The following BABAM2 variants were observed in gnomAD, a reference collection of about 807,000 sequenced individuals.
BABAM2 encodes BRISC and BRCA1 A complex member 2.
BABAM2 carries 31 observed loss-of-function variants against 54.7 expected under a neutral mutation model. The observed-to-expected ratio is 0.57, with a 90% CI of 0.43 to 0.77. BABAM2 has a LOEUF of 0.77. Ranked by LOEUF, BABAM2 falls within the 30% of genes least tolerant of loss-of-function variation. The probability of loss-of-function intolerance (pLI) is 0.00; values close to 1 mark genes in which losing one functional copy is unlikely to be tolerated. For synonymous variants in BABAM2, 167 were observed against 162.9 expected (o/e 1.03, Z -0.19); for missense variants, 364 against 455.8 (o/e 0.80, Z 1.83).
At chr2:27,957,404 A>G (rs1670164610) in intron 3 of BABAM2, among the ~76,000 whole-genome samples, 1 of 152,100 alleles carries the variant, frequency 6.6e-6, no homozygotes, top group African/African-American at 2.4e-5. Flanking sequence ...ATTTTCTACT[A>G]AACCAGATTG....
At chr2:28,007,036 T>C (rs974955414) in intron 4 of BABAM2, among the ~76,000 whole-genome samples, 2 of 151,012 alleles carry the variant, frequency 1.3e-5, no homozygotes, top group African/African-American at 4.9e-5. Flanking sequence ...TAATTTGATC[T>C]TTTTTTTTGA....
chr2:28,092,924 G>A (rs965168408), intron 6 of BABAM2, among the ~76,000 whole-genome samples: 1 of 152,128 alleles, frequency 6.6e-6, no homozygotes, highest in Non-Finnish European at 1.5e-5. Flanking sequence ...ATAGCACTGA[G>A]TGTGCTGTCT....
intron 2 of BABAM2, among the ~76,000 whole-genome samples, chr2:27,912,854 G>A (rs190279848): frequency 6.6e-6 from 1 of 152,292 alleles, no homozygotes. Context: ...CAGATAACCT[G>A]ATGATAAATT....
At chr2:27,941,982 T>G (rs760743703) in intron 3 of BABAM2, among the ~76,000 whole-genome samples, 40 of 152,188 alleles carry the variant, frequency 2.6e-4, no homozygotes, top group Non-Finnish European at 4.1e-4. Context: ...CTACCTGAAA[T>G]TCAACTTCAT....
intron 7 of BABAM2, among the ~76,000 whole-genome samples, chr2:28,158,684 G>T (rs1672778945): frequency 6.6e-6 from 1 of 152,134 alleles, no homozygotes; most frequent in Non-Finnish European, 1.5e-5. Context: ...TTATAATAAG[G>T]CTATGTAATA....
At chr2:28,283,886 A>G (rs1044762310) in intron 10 of BABAM2, among the ~76,000 whole-genome samples, 3 of 152,256 alleles carry the variant, frequency 2.0e-5, no homozygotes, top group Non-Finnish European at 4.4e-5. Context: ...ATGAAAAATA[A>G]AAGTTTTAGA....
chr2:28,107,523 T>G (rs1022824936), intron 6 of BABAM2, among the ~76,000 whole-genome samples: 5 of 152,146 alleles, frequency 3.3e-5, no homozygotes, highest in Non-Finnish European at 5.9e-5. Context: ...CCCTTCTACT[T>G]CAGTGACTTT....
intron 6 of BABAM2, among the ~76,000 whole-genome samples, chr2:28,051,516 A>G (rs916912538): frequency 1.3e-5 from 2 of 152,238 alleles, no homozygotes; most frequent in African/African-American, 2.4e-5. Context: ...CAGGATAATG[A>G]AACCAAAGTG....
At chr2:28,060,952 G>A (rs1678811030) in intron 6 of BABAM2, among the ~76,000 whole-genome samples, 1 of 152,118 alleles carries the variant, frequency 6.6e-6, no homozygotes, top group Admixed American at 6.5e-5. Context: ...AATCTCAGCA[G>A]AAATTGTAAA....
At chr2:28,026,877 T>A (rs1408685391) in intron 5 of BABAM2, among the ~76,000 whole-genome samples, 1 of 50,844 alleles carries the variant, frequency 2.0e-5, no homozygotes, top group African/African-American at 8.8e-5. Flanking sequence ...TATATATTTA[T>A]ATATATATAG....
chr2:28,200,990 C>T (rs1678206271), intron 7 of BABAM2, among the ~76,000 whole-genome samples: 1 of 152,104 alleles, frequency 6.6e-6, no homozygotes, highest in Admixed American at 6.6e-5. Flanking sequence ...AGGCTGGTCT[C>T]AAACTCCTGA....
At chr2:28,244,174 G>A (rs1324410512) in intron 9 of BABAM2, among the ~76,000 whole-genome samples, 1 of 152,110 alleles carries the variant, frequency 6.6e-6, no homozygotes, top group Non-Finnish European at 1.5e-5. Flanking sequence ...TTTGCCTTAA[G>A]CCCAGTGGGA....
At chr2:28,216,814 C>G (rs1679959878) in intron 7 of BABAM2, among the ~76,000 whole-genome samples, 1 of 152,156 alleles carries the variant, frequency 6.6e-6, no homozygotes, top group African/African-American at 2.4e-5. Flanking sequence ...ATAATCTGGC[C>G]TTTTCCTGGA....
At chr2:28,152,776 G>A (rs1157406349) in intron 7 of BABAM2, among the ~76,000 whole-genome samples, 1 of 152,238 alleles carries the variant, frequency 6.6e-6, no homozygotes, top group East Asian at 1.9e-4. Context: ...CAGAAGAGGT[G>A]TGATTTGAGC....
chr2:28,281,962 T>C lies in BABAM2; in HGVS notation c.935-16376T>C, dbSNP rs75693649. Among the ~76,000 whole-genome samples, 1,092 of 152,330 alleles carry C rather than the reference T, an allele frequency of 7.2e-3. 9 individuals carry two copies. Among genetic ancestry groups the C allele is most frequent in the African/African-American group, 0.025 (1,035 of 41,578 alleles). On this transcript the variant is annotated intron_variant, in intron 10 of 11. Coordinates refer to ENST00000379624, the MANE Select transcript of BABAM2 (RefSeq NM_199191.3). ...AGATTTTGAAGGCTTCAAAGGTTAC[T>C]GACAGATGAGACTTTCTGAAAAGGA... is the stretch of plus-strand genomic sequence containing the variant.
At chr2:28,285,737 CTT>C (rs931182085) in intron 10 of BABAM2, among the ~76,000 whole-genome samples, 1 of 144,526 alleles carries the variant, frequency 6.9e-6, no homozygotes, top group Non-Finnish European at 1.5e-5. Flanking sequence ...GCAAATAAGT[CTT>C]TTTTTTTTTT....
intron 7 of BABAM2, among the ~76,000 whole-genome samples, chr2:28,168,210 T>A (rs1371580323): frequency 1.3e-5 from 2 of 152,190 alleles, no homozygotes; most frequent in Non-Finnish European, 2.9e-5. Flanking sequence ...GAACCATTTT[T>A]ATTATAAAGG....
intron 7 of BABAM2, among the ~76,000 whole-genome samples, chr2:28,165,261 A>G (rs1176813912): frequency 6.6e-6 from 1 of 152,228 alleles, no homozygotes; most frequent in African/African-American, 2.4e-5. Context: ...CTCAGGCATC[A>G]AAAATAACTT....
chr2:28,124,227 C>A (rs981298764), intron 6 of BABAM2, among the ~76,000 whole-genome samples: 2 of 152,186 alleles, frequency 1.3e-5, no homozygotes, highest in East Asian at 3.8e-4. Flanking sequence ...ACACTTAGAT[C>A]ATAAAATGAA....
Sources: allele counts gnomAD v4.1 joint callset (sites outside exome capture counted in the v4.1 genomes callset), GRCh38; gene constraint gnomAD v4.1.1; transcripts MANE v1.5; gene names NCBI Gene and HGNC (gene_info 2026-07-23, HGNC 2026-07-21).